DLC1: variants seen among roughly 807,000 people sequenced by gnomAD.
DLC1 encodes the protein rho GTPase-activating protein 7.
DLC1 carries 54 observed loss-of-function variants against 140.3 expected under a neutral mutation model. That is an observed-to-expected ratio of 0.38 (90% CI 0.31 to 0.48). The LOEUF (loss-of-function observed/expected upper bound fraction) is 0.48, where lower values mean the gene tolerates loss of function less well. DLC1 is among the 20% of genes least tolerant of loss of function. DLC1 has a pLI of 0.96. For missense variants in DLC1, 2,536 were observed against 1,907.0 expected (o/e 1.33, Z -6.14); for synonymous variants, 986 against 728.1 (o/e 1.35, Z -5.70).
intron 5 of DLC1, among the ~76,000 whole-genome samples, chr8:13,209,971 T>C (rs1215900670): frequency 6.6e-6 from 1 of 152,170 alleles, no homozygotes; most frequent in Non-Finnish European, 1.5e-5. Flanking sequence ...AATATGAGAA[T>C]GGCAAGTCTA....
chr8:13,451,223 T>G (rs992481372), intron 2 of DLC1, among the ~76,000 whole-genome samples: 1 of 152,034 alleles, frequency 6.6e-6, no homozygotes, highest in Admixed American at 6.5e-5. Context: ...TAAAAAATTT[T>G]TTAACTGTTA....
chr8:13,529,021 C>G (rs1402780328), intron 1 of DLC1, among the ~76,000 whole-genome samples: 1 of 152,084 alleles, frequency 6.6e-6, no homozygotes, highest in Non-Finnish European at 1.5e-5. Flanking sequence ...TCCTTCTCTT[C>G]TAGACGAGGG....
chr8:13,234,204 G>T (rs1197398015), intron 5 of DLC1, among the ~76,000 whole-genome samples: 4 of 152,020 alleles, frequency 2.6e-5, no homozygotes, highest in Non-Finnish European at 5.9e-5. Context: ...AATGTGGAGG[G>T]AATGCATTGC....
chr8:13,522,151 G>A (rs1041901522), intron 1 of DLC1, among the ~76,000 whole-genome samples: 6 of 152,144 alleles, frequency 3.9e-5, no homozygotes, highest in South Asian at 2.1e-4. Flanking sequence ...CTGGTACTGC[G>A]CAGTGGGGTA....
At chr8:13,262,556 A>T (rs897109140) in intron 5 of DLC1, among the ~76,000 whole-genome samples, 1 of 152,130 alleles carries the variant, frequency 6.6e-6, no homozygotes, top group Non-Finnish European at 1.5e-5. Context: ...CCATATTTTT[A>T]TCTTTTGTTT....
At chr8:13,313,700 T>C (rs1832764948) in intron 4 of DLC1, among the ~76,000 whole-genome samples, 1 of 152,252 alleles carries the variant, frequency 6.6e-6, no homozygotes. Context: ...CTTCCTCCAG[T>C]CCAATTAACT....
At chr8:13,199,116 G>A (rs1297227619) in intron 5 of DLC1, among the ~76,000 whole-genome samples, 1 of 150,342 alleles carries the variant, frequency 6.7e-6, no homozygotes, top group Non-Finnish European at 1.5e-5. Context: ...TCAATTCACT[G>A]ATCTCCAAAC....
chr8:13,550,539 C>G (rs1340355850), intron 1 of DLC1, among the ~76,000 whole-genome samples: 1 of 152,018 alleles, frequency 6.6e-6, no homozygotes, highest in East Asian at 1.9e-4. Flanking sequence ...CACTCATACC[C>G]CATAGTAAAG....
chr8:13,266,080 A>G (rs968277595), intron 5 of DLC1, among the ~76,000 whole-genome samples: 2 of 152,248 alleles, frequency 1.3e-5, no homozygotes, highest in Non-Finnish European at 2.9e-5. Flanking sequence ...GAAGGACTAA[A>G]GGAAACTTTT....
At chr8:13,577,864 C>T (rs1804899375) in intron 1 of DLC1, among the ~76,000 whole-genome samples, 1 of 152,036 alleles carries the variant, frequency 6.6e-6, no homozygotes, top group Non-Finnish European at 1.5e-5. Flanking sequence ...TTAGGGGCTT[C>T]ACCCATGACA....
At chr8:13,421,827 C>A (rs1040437499) in intron 2 of DLC1, among the ~76,000 whole-genome samples, 2 of 152,112 alleles carry the variant, frequency 1.3e-5, no homozygotes, top group African/African-American at 2.4e-5. Flanking sequence ...TAACTCTTAA[C>A]CCTAATTTCT....
chr8:13,250,092 G>A (rs778915376), intron 5 of DLC1, among the ~76,000 whole-genome samples: 5 of 152,190 alleles, frequency 3.3e-5, no homozygotes, highest in Non-Finnish European at 7.3e-5. Flanking sequence ...TGCATTCATT[G>A]TTGTGTCCCC....
intron 2 of DLC1, among the ~76,000 whole-genome samples, chr8:13,490,171 C>A (rs889239637): frequency 6.6e-6 from 1 of 152,036 alleles, no homozygotes; most frequent in Non-Finnish European, 1.5e-5. Flanking sequence ...TCAATATTTT[C>A]AAAAATCTCT....
intron 4 of DLC1, among the ~76,000 whole-genome samples, chr8:13,332,956 A>G (rs889363292): frequency 1.3e-5 from 2 of 152,146 alleles, no homozygotes; most frequent in African/African-American, 2.4e-5. Flanking sequence ...AAAGAAAATA[A>G]AATTTATGTT....
At chr8:13,387,529 A>G (rs1344946170) in intron 4 of DLC1, among the ~76,000 whole-genome samples, 1 of 151,966 alleles carries the variant, frequency 6.6e-6, no homozygotes, top group East Asian at 1.9e-4. Context: ...CTAATATATC[A>G]CAAGCACAGT....
At chr8:13,560,914 C>A (rs1281628357) in intron 1 of DLC1, among the ~76,000 whole-genome samples, 6 of 151,992 alleles carry the variant, frequency 3.9e-5, no homozygotes, top group African/African-American at 1.5e-4. Flanking sequence ...ACCAACCCTA[C>A]TGATGCCTTG....
At chr8:13,374,170 A>G (rs1563294259) in intron 4 of DLC1, among the ~76,000 whole-genome samples, 1 of 152,224 alleles carries the variant, frequency 6.6e-6, no homozygotes, top group African/African-American at 2.4e-5. Flanking sequence ...AGGTCTCAGA[A>G]TAAAAATGCA....
chr8:13,492,370 C>G (rs1801291566), intron 2 of DLC1, among the ~76,000 whole-genome samples: 1 of 152,110 alleles, frequency 6.6e-6, no homozygotes, highest in Admixed American at 6.6e-5. Context: ...GAAATTGAAT[C>G]TGATTCCAGC....
At chr8:13,309,023 C>A (rs1832565841) in intron 4 of DLC1, among the ~76,000 whole-genome samples, 2 of 152,064 alleles carry the variant, frequency 1.3e-5, no homozygotes, top group Non-Finnish European at 2.9e-5. Flanking sequence ...CACCGAATGC[C>A]TATTTGAATA....
Sources: gnomAD v4.1 joint callset for allele counts (sites outside exome capture counted in the v4.1 genomes callset) on GRCh38, gnomAD v4.1.1 for gene constraint, MANE v1.5 for transcripts, NCBI Gene and HGNC (gene_info 2026-07-23, HGNC 2026-07-21) for gene names.